The following PCNT variants were observed in gnomAD, a reference collection of about 807,000 sequenced individuals.
The protein encoded by PCNT is kendrin.
A neutral mutation model predicts 380.4 loss-of-function variants in PCNT; 319 were observed. That is an observed-to-expected ratio of 0.84 (90% CI 0.77 to 0.92). PCNT has a LOEUF of 0.92. PCNT is among the 40% of genes least tolerant of loss of function. The probability of loss-of-function intolerance (pLI) is 0.00; values close to 1 mark genes in which losing one functional copy is unlikely to be tolerated. For synonymous variants in PCNT, 1,845 were observed against 1,735.2 expected, an observed-to-expected ratio of 1.06 and a Z score of -1.57; for missense variants, 4,400 against 4,255.3, an observed-to-expected ratio of 1.03 and a Z score of -0.95.
rs77379193 is a variant in PCNT, at chr21:46,437,534, G to A, written c.9099+453G>A. On this transcript the variant is annotated intron_variant, in intron 40 of 46. Coordinates refer to ENST00000359568, the MANE Select transcript of PCNT (RefSeq NM_006031.6). Reference sequence around the variant, plus strand: ...CTGCTGGCTTTGTGTTTGCGTTGACGGCCTTTGCTAGAAACAAAAACCCAA... The same window carrying A: ...CTGCTGGCTTTGTGTTTGCGTTGACAGCCTTTGCTAGAAACAAAAACCCAA... 2.5e-3 allele frequency among the ~76,000 whole-genome samples: 378 copies of A among 152,298 alleles called. 2 individuals carry two copies. Among genetic ancestry groups the A allele is most frequent in the African/African-American group, 8.5e-3 (353 of 41,564 alleles).
chr21:46,359,141 CAG>C (rs1016606714), intron 13 of PCNT, among the ~76,000 whole-genome samples: 6 of 152,102 alleles, frequency 3.9e-5, no homozygotes, highest in South Asian at 4.2e-4. Flanking sequence ...TTAGTAGAGA[CAG>C]GGTTTCACCA....
In PCNT at chr21:46,419,858, A is replaced by C. The variant is rs193076634; in HGVS notation, c.7024+1552A>C. On this transcript the variant is annotated intron_variant, in intron 31 of 46. Transcript: ENST00000359568. The stretch of plus-strand genomic sequence containing the variant: ...CGTACTCAAGTCATCCTCCCACCTT[A>C]GCCTCCCAAAGTGCTGGGATTACAG... Among the ~76,000 whole-genome samples the C allele has an allele frequency of 2.6e-5, 4 of 152,218 alleles. No homozygotes were observed. In the East Asian group the frequency reaches 5.8e-4, roughly 22 times the overall value.
At chr21:46,444,578 G>C in intron 45 of PCNT, 116 bp from the exon 46 acceptor site, 2 of 1,108,404 alleles carry the variant, frequency 1.8e-6, no homozygotes, top group South Asian at 2.6e-5. Flanking sequence ...ATCCCCACGG[G>C]TCTGGTTGGC....
At chr21:46,375,032 T>C (rs144688150) in intron 15 of PCNT, among the ~76,000 whole-genome samples, 1 of 152,316 alleles carries the variant, frequency 6.6e-6, no homozygotes, top group Non-Finnish European at 1.5e-5. Context: ...TGACTTGACC[T>C]ACACTTGTGG....
chr21:46,430,252 C>G lies in PCNT; in HGVS notation c.7913+20C>G. The G allele has an allele frequency of 6.3e-7, 1 of 1,598,440 alleles. No individual in the cohort carries two copies. Among genetic ancestry groups the G allele is most frequent in the African/African-American group, 1.3e-5 (1 of 74,712 alleles). On this transcript the variant is annotated intron_variant, in intron 36 of 46. Coordinates refer to ENST00000359568, the MANE Select transcript of PCNT (RefSeq NM_006031.6). Reference sequence around the variant, plus strand: ...GCTGAGGTGCGCCTGATCCCCCTTCCTGGGACACTGGCGGGAGTCCCCCCG... The same window carrying G: ...GCTGAGGTGCGCCTGATCCCCCTTCGTGGGACACTGGCGGGAGTCCCCCCG...
In PCNT at chr21:46,422,142, G is replaced by T; in HGVS notation, c.7179+18G>T. 2 of 1,612,576 alleles carry T rather than the reference G, an allele frequency of 1.2e-6. No individual in the cohort carries two copies. The highest frequency in any genetic ancestry group is 8.5e-7 in the Non-Finnish European group (1 of 1,179,810). The stretch of plus-strand genomic sequence containing the variant: ...ACGTGAAGGTATGGCTGGCAGGGGC[G>T]GCCCTCACAGCTTCACATGTGCAGC... On this transcript the variant is annotated intron_variant, in intron 32 of 46. Coordinates refer to ENST00000359568, the MANE Select transcript of PCNT (RefSeq NM_006031.6).
rs1601931844 is a variant in PCNT, at chr21:46,389,228, G to A, written c.3637G>A (p.Val1213Met). The change falls in exon 19 of 47, where the codon GTG becomes ATG. Residue 1213 changes from valine (V) to methionine (M), a missense_variant. By Grantham distance (21) the Val-to-Met change is conservative. Coordinates refer to ENST00000359568, the MANE Select transcript of PCNT (RefSeq NM_006031.6). The stretch of plus-strand genomic sequence containing the variant: ...GGCGCTGGAGGAGACATGGTCTGAT[G>A]TGGCCCTCCCGGAGTTGGACAGAAC... Reference protein sequence around the residue: ...APALEETWSDVALPELDRTLS... With the variant: ...APALEETWSDMALPELDRTLS... 6.2e-7 allele frequency: 1 copy of A among 1,614,188 alleles called. No homozygotes were observed. Among genetic ancestry groups the A allele is most frequent in the Non-Finnish European group, 8.5e-7 (1 of 1,180,010 alleles).
Position 46,411,481 on chromosome 21 carries a change from GCC to G in PCNT, c.5409_5410del (p.Ser1803ArgfsTer5). 1 of 1,609,518 alleles carries G rather than the reference GCC, an allele frequency of 6.2e-7. No individual in the cohort carries two copies. Among genetic ancestry groups the G allele is most frequent in the Non-Finnish European group, 8.5e-7 (1 of 1,178,646 alleles). On this transcript the variant is annotated frameshift_variant, in exon 28 of 47. Coordinates refer to ENST00000359568, the MANE Select transcript of PCNT (RefSeq NM_006031.6). LOFTEE classifies it high-confidence loss of function. ...GCGCTGGAAGCCAAGGAGGCCCTGAGCCGGCTGCTGGCTGACCAGGAGCGCAG... is the reference window on the plus strand; with the variant it reads ...GCGCTGGAAGCCAAGGAGGCCCTGAGGGCTGCTGGCTGACCAGGAGCGCAG...
intron 15 of PCNT, among the ~76,000 whole-genome samples, chr21:46,378,977 C>T (rs148238026): frequency 2.8e-4 from 43 of 152,204 alleles, no homozygotes; most frequent in African/African-American, 8.4e-4. Flanking sequence ...TTCTCTGTGT[C>T]GTTACCTGCA....
chr21:46,413,463 G>A (rs921219242), intron 29 of PCNT, among the ~76,000 whole-genome samples: 5 of 152,242 alleles, frequency 3.3e-5, no homozygotes, highest in Non-Finnish European at 7.3e-5. Context: ...AGCACAGTCC[G>A]TGCCTGCAGT....
At chr21:46,408,449 A>G (rs2147621990) in intron 27 of PCNT, among the ~76,000 whole-genome samples, 1 of 152,346 alleles carries the variant, frequency 6.6e-6, no homozygotes, top group Non-Finnish European at 1.5e-5. Flanking sequence ...ATGTGTAAGT[A>G]TATATTTAAC....
In PCNT at chr21:46,411,684, GCCGAGAGAAATTTAGAAA is replaced by G. The variant is rs1479390210; in HGVS notation, c.5612_5629del (p.Ala1871_Ile1877delinsVal). On this transcript the variant is annotated inframe_deletion, in exon 28 of 47. Coordinates refer to ENST00000359568, the MANE Select transcript of PCNT (RefSeq NM_006031.6). ...CCTGAAAGCAAAGGAAGCGACGATT[GCCGAGAGAAATTTAGAAA>G]TCGACGCTCTGAACCAGCGGAAGGC... The G allele has an allele frequency of 9.3e-6, 15 of 1,612,972 alleles. No homozygotes were observed. The highest frequency in any genetic ancestry group is 1.2e-5 in the Non-Finnish European group (14 of 1,179,894).
intron 2 of PCNT, among the ~76,000 whole-genome samples, chr21:46,328,982 G>A (rs1418325162): frequency 6.6e-6 from 1 of 151,404 alleles, no homozygotes; most frequent in Non-Finnish European, 1.5e-5. Flanking sequence ...CACCACATTG[G>A]CCAGGCTGGT....
chr21:46,431,064 C>T, intron 37 of PCNT: 2 of 985,448 alleles, frequency 2.0e-6, no homozygotes, highest in Non-Finnish European at 1.2e-6. Flanking sequence ...AAGTCTGTGC[C>T]AGTTCCATGG....
At chr21:46,438,930 A>G (rs1481985720) in intron 41 of PCNT, among the ~76,000 whole-genome samples, 2 of 152,106 alleles carry the variant, frequency 1.3e-5, no homozygotes, top group East Asian at 3.9e-4. Flanking sequence ...CAGCCTCCCA[A>G]AGTGCTGGGA....
chr21:46,389,901 T>TTC (rs2085972921), intron 19 of PCNT, among the ~76,000 whole-genome samples: 1 of 152,210 alleles, frequency 6.6e-6, no homozygotes, highest in Non-Finnish European at 1.5e-5. Flanking sequence ...ATCTTGTAGC[T>TTC]CTGGCGCTGG....
intron 24 of PCNT, 138 bp downstream of exon 24, chr21:46,398,393 A>G: frequency 1.2e-6 from 1 of 859,096 alleles, no homozygotes; most frequent in Non-Finnish European, 1.9e-6. Flanking sequence ...TTGTCTGAGG[A>G]AGCTGTAGTA....
intron 2 of PCNT, among the ~76,000 whole-genome samples, chr21:46,331,309 G>A (rs1052038230): frequency 8.6e-5 from 13 of 151,992 alleles, no homozygotes; most frequent in East Asian, 1.9e-4. Flanking sequence ...GGCATAAGCC[G>A]CTGTGCCCAG....
intron 15 of PCNT, among the ~76,000 whole-genome samples, chr21:46,371,307 C>A (rs1229732865): frequency 2.0e-5 from 3 of 150,930 alleles, no homozygotes; most frequent in African/African-American, 7.3e-5. Context: ...GCCTCCCAGG[C>A]TCAAGCAGTC....
Sources: gnomAD v4.1 joint callset for allele counts (sites outside exome capture counted in the v4.1 genomes callset) on GRCh38, gnomAD v4.1.1 for gene constraint, MANE v1.5 for transcripts, NCBI Gene and HGNC (gene_info 2026-07-23, HGNC 2026-07-21) for gene names.